Variants in PIGN observed in about 807,000 individuals in gnomAD.
PIGN encodes the protein GPI ethanolamine phosphate transferase 1.
A neutral mutation model predicts 125.4 loss-of-function variants in PIGN; 117 were observed. The observed-to-expected ratio is 0.93, with a 90% CI of 0.80 to 1.09. The LOEUF is 1.09. Ranked by LOEUF, PIGN falls within the 50% of genes least tolerant of loss-of-function variation. The pLI is 0.00. For missense variants in PIGN, 1,075 were observed against 1,094.9 expected (o/e 0.98, Z 0.26); for synonymous variants, 392 against 377.8 (o/e 1.04, Z -0.44).
At chr18:62,110,886 T>C (rs1206887344) in intron 16 of PIGN, among the ~76,000 whole-genome samples, 1 of 147,498 alleles carries the variant, frequency 6.8e-6, no homozygotes, top group Non-Finnish European at 1.5e-5. Context: ...TATGTATATA[T>C]ATTATATATA....
chr18:62,054,280 T>C (rs948175004), intron 30 of PIGN, among the ~76,000 whole-genome samples: 14 of 151,254 alleles, frequency 9.3e-5, no homozygotes, highest in Non-Finnish European at 1.8e-4. Context: ...AGAAAAAAAA[T>C]CTTTGGGATC....
At chr18:62,083,242 C>T (rs956094050) in intron 27 of PIGN, among the ~76,000 whole-genome samples, 4 of 151,938 alleles carry the variant, frequency 2.6e-5, no homozygotes, top group Non-Finnish European at 5.9e-5. Context: ...TTATAAAATT[C>T]ACACTCATTA....
intron 22 of PIGN, among the ~76,000 whole-genome samples, chr18:62,096,793 G>A (rs1470540177): frequency 1.5e-4 from 20 of 130,392 alleles, no homozygotes; most frequent in African/African-American, 5.7e-4. Context: ...TTGGTTTTTT[G>A]TTCTTGCGAT....
rs558341655 is a variant in PIGN at position 62,157,747 on chromosome 18, G to A, written c.283C>T (p.Arg95Trp). Reference protein sequence around the residue: ...ISHTRVPTESRPGHVALIAGF... With the variant: ...ISHTRVPTESWPGHVALIAGF... ...GCTATCAGAGCTACATGACCTGGCC[G>A]AGATTCTGTTGGCACACGTGTATGA... The change falls in exon 5 of 31, where the codon CGG becomes TGG. Residue 95 changes from arginine (R) to tryptophan (W), a missense_variant. This residue lies in a region of PIGN where 152 missense variants were observed against 162.9 expected (regional missense o/e 0.93). Coordinates refer to ENST00000640252, the MANE Select transcript of PIGN (RefSeq NM_176787.5). 28 of 1,612,356 alleles carry A rather than the reference G, an allele frequency of 1.7e-5. No individual in the cohort carries two copies. Among genetic ancestry groups the A allele is most frequent in the Non-Finnish European group, 2.2e-5 (26 of 1,178,928 alleles).
At chr18:62,157,371 T>C (rs1460016862) in intron 5 of PIGN, 144 bp from the exon 6 acceptor site, 2 of 536,982 alleles carry the variant, frequency 3.7e-6, no homozygotes, top group African/African-American at 1.9e-5. Flanking sequence ...ATTATACCAC[T>C]ATTTAAAAAA....
Position 62,187,025 on chromosome 18 carries a change from G to T in PIGN, c.-417C>A, listed in dbSNP as rs1045384552. ...CAATTCCGGAACGCCCCCAATACCT[G>T]CCCGGCCGCTGCTGCTATCGCGATA... On this transcript the variant is annotated 5_prime_UTR_variant, in exon 1 of 31. Coordinates refer to ENST00000640252, the MANE Select transcript of PIGN (RefSeq NM_176787.5). The T allele has an allele frequency of 1.3e-5, 2 of 153,256 alleles. No individual in the cohort carries two copies. Among genetic ancestry groups the T allele is most frequent in the African/African-American group, 4.8e-5 (2 of 41,474 alleles). The allele number at this position is 153,256 out of a possible 1,614,324, so 9.5% of individuals were successfully genotyped here. A position where few individuals can be genotyped will look rare whatever the true frequency, so the allele number is the denominator to read the frequency against.
rs764309084 is a variant in PIGN, at chr18:62,045,907, G to A, written c.2745C>T (p.Leu915=). Residue 915 remains leucine (L), a synonymous_variant, in exon 31 of 31, where the codon CTC becomes CTT. Transcript: ENST00000640252. ...LVFLNGLAQL[L]TTKKLRLCGK... ...CACATAGTCTGAGTTTCTTCGTTGT[G>A]AGCAGCTGGGCCAGGCCATTGAGGA... 1 of 1,613,780 alleles carries A rather than the reference G, an allele frequency of 6.2e-7. No individual in the cohort carries two copies. The highest frequency in any genetic ancestry group is 1.1e-5 in the South Asian group (1 of 91,024).
chr18:62,031,010 G>A lies in PIGN; in HGVS notation c.2143-13269C>T, dbSNP rs568836417. Among the ~76,000 whole-genome samples the A allele has an allele frequency of 3.3e-5, 5 of 152,230 alleles. No homozygotes were observed. The East Asian group carries it at 9.7e-4, about 29-fold the overall frequency. ...AAATTAAATATATAACTCTTAAAAA[G>A]TGTACACATATTGGTATGGTTTTGC... On this transcript the variant is annotated intron_variant, in intron 23 of 24. Transcript: ENST00000639600.
intron 17 of PIGN, among the ~76,000 whole-genome samples, chr18:62,109,255 T>C (rs917830485): frequency 6.6e-6 from 1 of 152,206 alleles, no homozygotes; most frequent in Non-Finnish European, 1.5e-5. Context: ...TTTTCTACAA[T>C]GTTAACAATA....
intron 2 of PIGN, among the ~76,000 whole-genome samples, chr18:62,162,848 GTTT>G (rs1259413544): frequency 6.6e-6 from 1 of 151,872 alleles, no homozygotes; most frequent in African/African-American, 2.4e-5. Context: ...TAAATTTTAT[GTTT>G]TTTTACTAAA....
intron 14 of PIGN, among the ~76,000 whole-genome samples, chr18:62,127,662 T>G (rs2035583866): frequency 6.8e-6 from 1 of 146,594 alleles, no homozygotes; most frequent in Non-Finnish European, 1.5e-5. Flanking sequence ...CTTGAACAAC[T>G]GCAACAGTCT....
chr18:62,082,126 G>T (rs2033476705), intron 28 of PIGN, among the ~76,000 whole-genome samples: 1 of 152,068 alleles, frequency 6.6e-6, no homozygotes, highest in Non-Finnish European at 1.5e-5. Context: ...CCACAGTCTT[G>T]ATTGCTTAAG....
chr18:62,116,189 T>G lies in PIGN; in HGVS notation c.1173-1550A>C, dbSNP rs76769430. 9.7e-3 allele frequency among the ~76,000 whole-genome samples: 1,472 copies of G among 152,320 alleles called. 47 individuals are homozygous for G. Among genetic ancestry groups the G allele is most frequent in the East Asian group, 0.069 (356 of 5,180 alleles). ...CCTTCAGATACCACACATTTTGAAGTGTTTTCCCAGAAGCCTTAGTATAGC... is the reference window on the plus strand; with the variant it reads ...CCTTCAGATACCACACATTTTGAAGGGTTTTCCCAGAAGCCTTAGTATAGC... On this transcript the variant is annotated intron_variant, in intron 14 of 30. Coordinates refer to ENST00000640252, the MANE Select transcript of PIGN (RefSeq NM_176787.5).
Position 62,102,759 on chromosome 18 carries a change from T to C in PIGN, c.1968+35A>G, listed in dbSNP as rs1205115180. ...CCATAAGACACATTTCAGTATATCA[T>C]TAGTATAACATAGTATTGAAAATCT... On this transcript the variant is annotated intron_variant, in intron 21 of 30. Transcript: ENST00000640252. 5 of 931,368 alleles carry C rather than the reference T, an allele frequency of 5.4e-6. No homozygotes were observed. In the East Asian group the frequency reaches 1.4e-4, roughly 25 times the overall value. 57.7% of individuals were successfully genotyped at this position (931,368 alleles called of 1,614,324 possible). A position where few individuals can be genotyped will look rare whatever the true frequency, so the allele number is the denominator to read the frequency against.
At chr18:62,051,680 G>GT (rs1314728558) in intron 30 of PIGN, 2 of 152,028 alleles carry the variant, frequency 1.3e-5, no homozygotes, top group African/African-American at 2.4e-5. Context: ...TTTTTGAAGG[G>GT]TTTTTTGTGT....
At chr18:62,167,276 A>C (rs2037174152) in intron 1 of PIGN, among the ~76,000 whole-genome samples, 1 of 138,508 alleles carries the variant, frequency 7.2e-6, no homozygotes, top group Non-Finnish European at 1.5e-5. Context: ...AGAGATATAT[A>C]GAGATATATA....
chr18:62,082,494 C>T (rs2033493315), intron 28 of PIGN, among the ~76,000 whole-genome samples, 179 bp downstream of exon 28: 1 of 151,998 alleles, frequency 6.6e-6, no homozygotes, highest in African/African-American at 2.4e-5. Context: ...AGGCCCTAAT[C>T]AACTAATTTC....
rs997200561 is a variant in PIGN, at chr18:62,137,275, G to A, written c.1172+968C>T. Reference sequence around the variant, plus strand: ...CACCAGTGGTTTGCTAGGGGCTCTCGGGCCTTTGGCCACAGACTGAAGGCT... The same window carrying A: ...CACCAGTGGTTTGCTAGGGGCTCTCAGGCCTTTGGCCACAGACTGAAGGCT... On this transcript the variant is annotated intron_variant, in intron 14 of 30. Coordinates refer to ENST00000640252, the MANE Select transcript of PIGN (RefSeq NM_176787.5). 40 of 412,730 alleles carry A rather than the reference G, an allele frequency of 9.7e-5. No individual in the cohort carries two copies. The East Asian group carries it at 1.1e-3, about 11-fold the overall frequency. 25.6% of individuals were successfully genotyped at this position (412,730 alleles called of 1,614,324 possible).
intron 14 of PIGN, among the ~76,000 whole-genome samples, chr18:62,131,747 A>G (rs1157632763): frequency 6.6e-6 from 1 of 152,090 alleles, no homozygotes; most frequent in Non-Finnish European, 1.5e-5. Flanking sequence ...TGGCAATTTT[A>G]TTTTTCCTAC....
Sources: allele counts gnomAD v4.1 joint callset (sites outside exome capture counted in the v4.1 genomes callset), GRCh38; gene constraint gnomAD v4.1.1; regional missense constraint gnomAD v4.1.1; transcripts MANE v1.5; gene names NCBI Gene and HGNC (gene_info 2026-07-23, HGNC 2026-07-21).